PDE5A: variants seen among roughly 807,000 people sequenced by gnomAD.
PDE5A encodes the protein phosphodiesterase 5A, also known as cGMP-specific 3',5'-cyclic phosphodiesterase.
PDE5A carries 67 observed loss-of-function variants against 110.2 expected under a neutral mutation model. The observed-to-expected ratio is 0.61, with a 90% CI of 0.50 to 0.75. The LOEUF is 0.75. Among genes scored for constraint, PDE5A ranks in the 30% least tolerant of loss-of-function variants. The pLI, the probability that PDE5A is intolerant of heterozygous loss-of-function variation, is 0.00. For missense variants in PDE5A, 862 were observed against 1,045.1 expected, an observed-to-expected ratio of 0.82 and a Z score of 2.42; for synonymous variants, 328 against 351.2, an observed-to-expected ratio of 0.93 and a Z score of 0.74.
chr4:119,594,087 C>T (rs1217272121), intron 3 of PDE5A, among the ~76,000 whole-genome samples: 1 of 152,158 alleles, frequency 6.6e-6, no homozygotes, highest in Non-Finnish European at 1.5e-5. Flanking sequence ...GGTGGGGACA[C>T]AGACAAATCA....
At chr4:119,602,327 C>CA (rs1381166553) in intron 2 of PDE5A, among the ~76,000 whole-genome samples, 2 of 151,782 alleles carry the variant, frequency 1.3e-5, no homozygotes, top group Non-Finnish European at 1.5e-5. Context: ...GCAAATGGGG[C>CA]AAAAAAATAA....
chr4:119,539,193 T>C (rs1043838273), intron 10 of PDE5A, 174 bp from the exon 11 acceptor site: 1 of 588,228 alleles, frequency 1.7e-6, no homozygotes, highest in East Asian at 2.8e-5. Flanking sequence ...TTAGATTCCA[T>C]TGCTTGTTTT....
intron 1 of PDE5A, among the ~76,000 whole-genome samples, chr4:119,616,240 G>A (rs926435583): frequency 6.6e-6 from 1 of 152,122 alleles, no homozygotes; most frequent in East Asian, 1.9e-4. Context: ...TTTCAAACTT[G>A]CATATTCCAC....
At chr4:119,522,994 AAACTC>A (rs1726184243) in intron 12 of PDE5A, among the ~76,000 whole-genome samples, 1 of 152,090 alleles carries the variant, frequency 6.6e-6, no homozygotes, top group South Asian at 2.1e-4. Flanking sequence ...CTGCTTCAAG[AAACTC>A]AATCAGTAGT....
At chr4:119,558,899 A>T (rs1727637575) in intron 7 of PDE5A, among the ~76,000 whole-genome samples, 1 of 135,850 alleles carries the variant, frequency 7.4e-6, no homozygotes. Context: ...CCTGGGCGAC[A>T]GAGCGAGACT....
intron 2 of PDE5A, among the ~76,000 whole-genome samples, chr4:119,604,658 C>T (rs114588207): frequency 2.2e-3 from 341 of 152,234 alleles, no homozygotes; most frequent in African/African-American, 8.0e-3. Context: ...AAAAACATTT[C>T]AGGACTTAAC....
intron 3 of PDE5A, among the ~76,000 whole-genome samples, chr4:119,576,037 G>A (rs567841228): frequency 2.6e-5 from 4 of 152,120 alleles, no homozygotes; most frequent in South Asian, 2.1e-4. Context: ...GGTTGCAATC[G>A]TAGTCTCTGA....
intron 20 of PDE5A, chr4:119,500,965 A>G (rs1725299477): frequency 7.6e-6 from 4 of 529,158 alleles, no homozygotes; most frequent in Non-Finnish European, 1.3e-5. Context: ...GTTGGAGATT[A>G]GCACATAGTA....
chr4:119,625,391 C>A (rs1200412747), intron 1 of PDE5A, among the ~76,000 whole-genome samples: 1 of 152,136 alleles, frequency 6.6e-6, no homozygotes, highest in Non-Finnish European at 1.5e-5. Context: ...TCAAGGTCAA[C>A]CCAAATTCAC....
rs548204809 is a variant in PDE5A at position 119,571,559 on chromosome 4, A to G, written c.832-4415T>C. On this transcript the variant is annotated intron_variant, in intron 3 of 20. Transcript: ENST00000354960. The stretch of plus-strand genomic sequence containing the variant: ...ACAGGTCTGTTTCTAGAGACTCCAC[A>G]CAGAAACACAGCCCTGTAGATGCCC... Among the ~76,000 whole-genome samples the G allele has an allele frequency of 2.8e-3, 428 of 152,294 alleles. 1 individual carries two copies. The highest frequency in any genetic ancestry group is 9.9e-3 in the African/African-American group (410 of 41,556).
intron 1 of PDE5A, chr4:119,628,104 A>T: frequency 1.1e-6 from 1 of 886,644 alleles, no homozygotes; most frequent in Non-Finnish European, 1.4e-6. Context: ...GGAGGAGCGG[A>T]GCCATCAAGA....
At chr4:119,519,161 A>G (rs201002320) in intron 13 of PDE5A, 22 bp from the exon 14 acceptor site, 33 of 1,548,838 alleles carry the variant, frequency 2.1e-5, no homozygotes, top group African/African-American at 2.7e-5. Flanking sequence ...AAGACATTGG[A>G]GGAAAGAGAG....
At chr4:119,538,167 T>C (rs1726794268) in intron 11 of PDE5A, among the ~76,000 whole-genome samples, 2 of 152,018 alleles carry the variant, frequency 1.3e-5, no homozygotes, top group African/African-American at 2.4e-5. Flanking sequence ...AGTTATGAAG[T>C]TTACATGAGA....
chr4:119,575,090 T>C (rs1728284369), intron 3 of PDE5A, among the ~76,000 whole-genome samples: 1 of 152,110 alleles, frequency 6.6e-6, no homozygotes, highest in Non-Finnish European at 1.5e-5. Flanking sequence ...GTATCAGTGA[T>C]GGAAGATCAA....
At chr4:119,601,207 C>G (rs565111392) in intron 2 of PDE5A, among the ~76,000 whole-genome samples, 99 of 152,228 alleles carry the variant, frequency 6.5e-4, no homozygotes, top group Middle Eastern at 6.8e-3. Flanking sequence ...AAAACCCAAC[C>G]TTGTGATTAG....
At position 119,627,321 on chromosome 4, in the gene PDE5A, C is replaced by T; in HGVS notation, c.152+1199G>A. 1.7e-6 allele frequency: 2 copies of T among 1,174,052 alleles called. No homozygotes were observed. Among genetic ancestry groups the T allele is most frequent in the Non-Finnish European group, 2.1e-6 (2 of 941,200 alleles). 72.7% of individuals were successfully genotyped at this position (1,174,052 alleles called of 1,614,324 possible). ...ACGGCCCCGGCCTCCGCGCCGCCGC[C>T]CGTCGCCTCCCGCTCGCCCCGCGCT... is the stretch of plus-strand genomic sequence containing the variant. On this transcript the variant is annotated intron_variant, in intron 1 of 20. Transcript: ENST00000354960. This position sits in a 1 kb window ranked among gnomAD's most constrained non-coding sequence, Gnocchi z 4.6.
intron 3 of PDE5A, among the ~76,000 whole-genome samples, chr4:119,587,242 T>C (rs1478586387): frequency 2.0e-5 from 3 of 151,742 alleles, no homozygotes; most frequent in Non-Finnish European, 2.9e-5. Flanking sequence ...TTTTTTTTTT[T>C]TTCAGGCTGG....
intron 7 of PDE5A, among the ~76,000 whole-genome samples, chr4:119,555,325 C>T (rs535362736): frequency 6.6e-6 from 1 of 152,218 alleles, no homozygotes; most frequent in South Asian, 2.1e-4. Context: ...GGCTGAGAGT[C>T]TGTGAAGGCA....
chr4:119,576,621 G>C (rs1438208959), intron 3 of PDE5A, among the ~76,000 whole-genome samples: 5 of 152,118 alleles, frequency 3.3e-5, no homozygotes, highest in Non-Finnish European at 5.9e-5. Context: ...CAGAAATAAA[G>C]ATGTTCTTTG....
Sources: gnomAD v4.1 joint callset for allele counts (sites outside exome capture counted in the v4.1 genomes callset) on GRCh38, gnomAD v4.1.1 for gene constraint, Gnocchi (gnomAD v3.1) non-coding constraint, MANE v1.5 for transcripts, NCBI Gene and HGNC (gene_info 2026-07-23, HGNC 2026-07-21) for gene names.